The following CDK14 variants were observed in gnomAD, a reference collection of about 807,000 sequenced individuals.
CDK14 encodes cyclin-dependent kinase 14.
In CDK14, 34 loss-of-function variants were observed where a neutral mutation model predicts 60.7. That is an observed-to-expected ratio of 0.56 (90% CI 0.43 to 0.75). The LOEUF is 0.75. CDK14 is among the 30% of genes least tolerant of loss of function. CDK14 has a pLI of 0.00. For synonymous variants in CDK14, 197 were observed against 203.7 expected (o/e 0.97, Z 0.28); for missense variants, 482 against 564.1 (o/e 0.85, Z 1.47).
At chr7:90,835,456 G>A (rs1407756489) in intron 5 of CDK14, among the ~76,000 whole-genome samples, 1 of 152,166 alleles carries the variant, frequency 6.6e-6, no homozygotes, top group Non-Finnish European at 1.5e-5. Context: ...GGTTGAGTTT[G>A]CCCTTTGTAG....
intron 2 of CDK14, among the ~76,000 whole-genome samples, chr7:90,635,928 C>T (rs1800134960): frequency 6.6e-6 from 1 of 151,904 alleles, no homozygotes; most frequent in African/African-American, 2.4e-5. Context: ...TGATTTGGCT[C>T]TCTGTTTGTC....
intron 8 of CDK14, among the ~76,000 whole-genome samples, chr7:90,921,570 T>C (rs2117435567): frequency 6.6e-6 from 1 of 152,280 alleles, no homozygotes; most frequent in East Asian, 1.9e-4. Flanking sequence ...GCTTAGCACA[T>C]AGATATTCAG....
chr7:91,139,684 C>G (rs1258813004), intron 14 of CDK14, among the ~76,000 whole-genome samples: 3 of 152,218 alleles, frequency 2.0e-5, no homozygotes, highest in African/African-American at 7.2e-5. Flanking sequence ...GAGCTAAGTA[C>G]AGTAGCCTCC....
intron 10 of CDK14, among the ~76,000 whole-genome samples, chr7:91,018,537 G>A (rs1197455440): frequency 6.6e-6 from 1 of 152,156 alleles, no homozygotes; most frequent in Non-Finnish European, 1.5e-5. Context: ...CCTTACAAGG[G>A]CATTGATATG....
chr7:91,139,816 T>TGCTC (rs1800398544), intron 14 of CDK14, among the ~76,000 whole-genome samples: 1 of 136,756 alleles, frequency 7.3e-6, no homozygotes, highest in African/African-American at 2.6e-5. Context: ...CTTTCTTTCT[T>TGCTC]TTCTTTTCTT....
intron 2 of CDK14, among the ~76,000 whole-genome samples, chr7:90,683,295 T>C (rs1316932704): frequency 1.3e-5 from 2 of 152,206 alleles, no homozygotes; most frequent in African/African-American, 4.8e-5. Flanking sequence ...AATTAATTAC[T>C]GTTTTTAAAG....
chr7:91,199,186 C>A (rs985173808), intron 14 of CDK14, among the ~76,000 whole-genome samples: 9 of 152,232 alleles, frequency 5.9e-5, no homozygotes, highest in African/African-American at 2.2e-4. Context: ...AAAGAATATG[C>A]CACCTTTGGT....
intron 4 of CDK14, among the ~76,000 whole-genome samples, chr7:90,782,179 A>G (rs1047021974): frequency 2.0e-5 from 3 of 152,102 alleles, no homozygotes; most frequent in African/African-American, 4.8e-5. Context: ...CTTTGAAGCA[A>G]TTGTGAATGG....
At chr7:91,034,939 T>TACACACACAC (rs1424202298) in intron 10 of CDK14, among the ~76,000 whole-genome samples, 1 of 94,514 alleles carries the variant, frequency 1.1e-5, no homozygotes, top group Non-Finnish European at 2.1e-5. Context: ...CACACACACA[T>TACACACACAC]ACACATACAC....
intron 12 of CDK14, among the ~76,000 whole-genome samples, chr7:91,109,063 A>AT (rs1404183360): frequency 1.9e-4 from 29 of 152,116 alleles, no homozygotes; most frequent in Admixed American, 1.6e-3. Context: ...AAATCTTGTA[A>AT]TTTTTTCCCA....
intron 1 of CDK14, among the ~76,000 whole-genome samples, chr7:90,598,704 A>ATTTTTTTTTTTTTTTTTTTTTTTT (rs796093975): frequency 5.7e-5 from 5 of 87,904 alleles, no homozygotes; most frequent in East Asian, 2.9e-4. Flanking sequence ...TTATCTAAGG[A>ATTTTTTTTTTTTTTTTTTTTTTTT]TTTTTTTTTT....
At chr7:90,727,138 A>G (rs1802665621) in intron 3 of CDK14, among the ~76,000 whole-genome samples, 1 of 152,198 alleles carries the variant, frequency 6.6e-6, no homozygotes, top group African/African-American at 2.4e-5. Context: ...TTTACTGTGT[A>G]GGCAGTAAGG....
At chr7:90,724,344 A>G (rs980674071) in intron 2 of CDK14, among the ~76,000 whole-genome samples, 3 of 151,398 alleles carry the variant, frequency 2.0e-5, no homozygotes, top group African/African-American at 7.3e-5. Flanking sequence ...CTAGATGTTC[A>G]TCATTTAAAA....
intron 2 of CDK14, among the ~76,000 whole-genome samples, chr7:90,606,118 G>A (rs571162417): frequency 1.3e-5 from 2 of 152,270 alleles, no homozygotes; most frequent in Non-Finnish European, 2.9e-5. Flanking sequence ...GCTCTACTTG[G>A]AAGATCCATT....
intron 3 of CDK14, among the ~76,000 whole-genome samples, chr7:90,744,809 C>T (rs1328631341): frequency 8.4e-5 from 10 of 119,228 alleles, no homozygotes; most frequent in Admixed American, 2.5e-4. Flanking sequence ...GCTGGCCGGG[C>T]GGGGGGCTGA....
chr7:91,208,138 C>T lies in CDK14; in HGVS notation c.*1002C>T, dbSNP rs1285304242. 2 of 152,488 alleles carry T rather than the reference C, an allele frequency of 1.3e-5. No individual in the cohort carries two copies. The highest frequency in any genetic ancestry group is 2.9e-5 in the Non-Finnish European group (2 of 68,014). 9.4% of individuals were successfully genotyped at this position (152,488 alleles called of 1,614,324 possible). A position where few individuals can be genotyped will look rare whatever the true frequency, so the allele number is the denominator to read the frequency against. ...AAGTTTGCTTAGTTACAACAAAGCA[C>T]CTTTAAAAAAAATACATTTTAAAAA... On this transcript the variant is annotated 3_prime_UTR_variant, in exon 15 of 15. Transcript: ENST00000380050.
At chr7:90,950,669 CA>C (rs1035803915) in intron 8 of CDK14, among the ~76,000 whole-genome samples, 2 of 152,104 alleles carry the variant, frequency 1.3e-5, no homozygotes, top group Non-Finnish European at 2.9e-5. Context: ...AAATTGGAGA[CA>C]GGAGAAATGT....
At chr7:90,632,372 T>C in intron 2 of CDK14, 2 of 301,500 alleles carry the variant, frequency 6.6e-6, no homozygotes, top group Admixed American at 3.9e-5. Context: ...CTGTGGGTGG[T>C]AATTGCCTTT....
intron 8 of CDK14, among the ~76,000 whole-genome samples, chr7:90,932,884 C>T (rs1793636145): frequency 6.6e-6 from 1 of 152,114 alleles, no homozygotes; most frequent in Non-Finnish European, 1.5e-5. Flanking sequence ...GGACTGCGAG[C>T]CTCTCACAGA....
Sources: gnomAD v4.1 joint callset for allele counts (sites outside exome capture counted in the v4.1 genomes callset) on GRCh38, gnomAD v4.1.1 for gene constraint, MANE v1.5 for transcripts, NCBI Gene and HGNC (gene_info 2026-07-23, HGNC 2026-07-21) for gene names.